Variants in PTGR1 observed in about 807,000 individuals in gnomAD.
PTGR1 encodes the protein 15-oxoprostaglandin 13-reductase.
Under a neutral mutation model 37.7 loss-of-function variants are expected in PTGR1, and 23 were observed. The observed-to-expected ratio is 0.61, with a 90% CI of 0.44 to 0.86. The LOEUF (loss-of-function observed/expected upper bound fraction) is 0.86. Among genes scored for constraint, PTGR1 ranks in the 40% least tolerant of loss-of-function variants. The pLI, the probability that PTGR1 is intolerant of heterozygous loss-of-function variation, is 0.00. For missense variants in PTGR1, 351 were observed against 394.3 expected (o/e 0.89, Z 0.93); for synonymous variants, 134 against 140.0 (o/e 0.96, Z 0.30).
intron 8 of PTGR1, among the ~76,000 whole-genome samples, chr9:111,571,348 G>A (rs1357713414): frequency 1.3e-5 from 2 of 149,802 alleles, no homozygotes; most frequent in African/African-American, 4.8e-5. Flanking sequence ...GAAGGGGACT[G>A]CAGTGAGCTG....
At chr9:111,583,171 AAAG>A (rs1271717796) in intron 6 of PTGR1, among the ~76,000 whole-genome samples, 1 of 152,284 alleles carries the variant, frequency 6.6e-6, no homozygotes, top group East Asian at 1.9e-4. Context: ...AATCATGAAG[AAAG>A]AAGATTAAGC....
intron 4 of PTGR1, among the ~76,000 whole-genome samples, chr9:111,587,262 CTT>C (rs1309975887): frequency 1.3e-5 from 2 of 152,118 alleles, no homozygotes; most frequent in African/African-American, 2.4e-5. Flanking sequence ...TCATCCAACT[CTT>C]TATCCTTCTT....
At chr9:111,578,996 A>T (rs1202909902) in intron 6 of PTGR1, 45 bp from the exon 7 acceptor site, 1 of 1,543,504 alleles carries the variant, frequency 6.5e-7, no homozygotes, top group East Asian at 2.3e-5. Context: ...ATAAGTCACA[A>T]GCATGGACCA....
intron 8 of PTGR1, among the ~76,000 whole-genome samples, chr9:111,572,215 G>T (rs945069587): frequency 6.6e-6 from 1 of 152,210 alleles, no homozygotes. Flanking sequence ...TAATGCAAGA[G>T]AATGAGACAG....
intron 5 of PTGR1, among the ~76,000 whole-genome samples, chr9:111,583,931 T>G (rs763252313): frequency 2.0e-5 from 3 of 152,176 alleles, no homozygotes; most frequent in Non-Finnish European, 2.9e-5. Context: ...CCCATATAAG[T>G]TCTATGTAGA....
At chr9:111,560,513 C>T (rs1473255868), downstream of PTGR1, among the ~76,000 whole-genome samples, 4 of 147,096 alleles carry the variant, frequency 2.7e-5, no homozygotes, top group South Asian at 2.2e-4. Context: ...TGGTGGCAGG[C>T]GCCTGTAATC....
At chr9:111,592,762 C>T in intron 4 of PTGR1, 164 bp downstream of exon 4, 1 of 913,076 alleles carries the variant, frequency 1.1e-6, no homozygotes, top group Non-Finnish European at 1.5e-6. Flanking sequence ...TCCTTTCCAG[C>T]TAGTTAGGAA....
At chr9:111,550,543 TC>T (rs1243918977) in intron 9 of PTGR1, among the ~76,000 whole-genome samples, 2 of 152,098 alleles carry the variant, frequency 1.3e-5, no homozygotes, top group Admixed American at 6.6e-5. Flanking sequence ...ACTCAGAATT[TC>T]CCCTAGAAGC....
intron 1 of PTGR1, among the ~76,000 whole-genome samples, chr9:111,598,361 A>G (rs1266701020): frequency 6.6e-6 from 1 of 152,174 alleles, no homozygotes; most frequent in African/African-American, 2.4e-5. Context: ...TGGAGCTGCC[A>G]GTGATCTCCC....
At position 111,586,408 on chromosome 9, in the gene PTGR1, C is replaced by T. The variant is rs3818296; in HGVS notation, c.210-243G>A. 4.6e-4 allele frequency among the ~76,000 whole-genome samples: 70 copies of T among 152,274 alleles called. No individual in the cohort carries two copies. In the East Asian group the frequency reaches 0.013, roughly 28 times the overall value. On this transcript the variant is annotated intron_variant, in intron 4 of 9. Transcript: ENST00000407693. Reference sequence around the variant, plus strand: ...ATGGGGTGAGGAGCGCCTGTTCTCACCCACATCTCTTCCTTTTAAGCAAGA... The same window carrying T: ...ATGGGGTGAGGAGCGCCTGTTCTCATCCACATCTCTTCCTTTTAAGCAAGA...
At chr9:111,559,195 C>T (rs1243605763), downstream of PTGR1, among the ~76,000 whole-genome samples, 5 of 152,172 alleles carry the variant, frequency 3.3e-5, no homozygotes, top group African/African-American at 1.2e-4. Context: ...CTCACTCGCA[C>T]GTGATACCCT....
chr9:111,565,168 C>A (rs1373585859), intron 9 of PTGR1, among the ~76,000 whole-genome samples: 1 of 151,720 alleles, frequency 6.6e-6, no homozygotes, highest in Non-Finnish European at 1.5e-5. Flanking sequence ...CACAGGTGGG[C>A]CTTAATCAAT....
intron 9 of PTGR1, among the ~76,000 whole-genome samples, chr9:111,551,750 A>G (rs916531198): frequency 6.6e-6 from 1 of 152,188 alleles, no homozygotes; most frequent in Non-Finnish European, 1.5e-5. Flanking sequence ...CTTTTATTAG[A>G]AAAATTCATT....
chr9:111,577,877 A>G (rs1644706357), intron 7 of PTGR1: 1 of 152,120 alleles, frequency 6.6e-6, no homozygotes, highest in Non-Finnish European at 1.5e-5. Context: ...AGCACTGATA[A>G]ATTCTATGAT....
intron 4 of PTGR1, chr9:111,589,394 GA>G (rs1386458104): frequency 1.1e-6 from 1 of 889,254 alleles, no homozygotes; most frequent in Admixed American, 6.2e-5. Flanking sequence ...TAGTCATTGA[GA>G]CACAAAATTT....
At chr9:111,581,166 C>T (rs959045246) in intron 6 of PTGR1, among the ~76,000 whole-genome samples, 2 of 152,140 alleles carry the variant, frequency 1.3e-5, no homozygotes, top group Non-Finnish European at 2.9e-5. Context: ...ACTGATGCTG[C>T]TGCAAGTCAT....
chr9:111,583,588 G>T lies in PTGR1; in HGVS notation c.379C>A (p.Leu127Met), dbSNP rs1340471552. Residue 127 changes from leucine to methionine, a missense_variant and splice_region_variant, in exon 6 of 10, where the codon CTG (leucine) becomes ATG (methionine). Leu to Met is a conservative substitution (Grantham distance 15). Coordinates refer to ENST00000407693, the MANE Select transcript of PTGR1 (RefSeq NM_001146108.2). ...LALGTVGMPG[L>M]TAYFGLLEIC... is the part of the protein sequence containing the mutation. ...TCAAGTAGGCCAAAGTAGGCAGTCA[G>T]GCTAAAGGAAGAAAATTAAGGATAT... The T allele has an allele frequency of 6.3e-7, 1 of 1,593,824 alleles. No individual in the cohort carries two copies. The highest frequency in any genetic ancestry group is 1.7e-5 in the Admixed American group (1 of 59,998).
chr9:111,566,234 CCTAA>C (rs1457541829), intron 9 of PTGR1, among the ~76,000 whole-genome samples: 20 of 151,702 alleles, frequency 1.3e-4, no homozygotes, highest in African/African-American at 2.9e-4. Context: ...TAAATAAACA[CCTAA>C]CTAACTATGA....
At chr9:111,594,381 C>G in intron 2 of PTGR1, 114 bp from the exon 3 acceptor site, 1 of 846,498 alleles carries the variant, frequency 1.2e-6, no homozygotes, top group South Asian at 1.4e-5. Flanking sequence ...TGAGAAACCA[C>G]CCATGAGGTA....
Sources: allele counts gnomAD v4.1 joint callset (sites outside exome capture counted in the v4.1 genomes callset), GRCh38; gene constraint gnomAD v4.1.1; transcripts MANE v1.5; gene names NCBI Gene and HGNC (gene_info 2026-07-23, HGNC 2026-07-21).